MSH3: variants seen among roughly 807,000 people sequenced by gnomAD.
MSH3 encodes the protein mutS homolog 3.
MSH3 carries 106 observed loss-of-function variants against 123.3 expected under a neutral mutation model. The ratio of observed to expected loss-of-function variants is 0.86; its 90% CI spans 0.73 to 1.01. The LOEUF (loss-of-function observed/expected upper bound fraction) is 1.01, where lower values mean the gene tolerates loss of function less well. Ranked by LOEUF, MSH3 falls within the 50% of genes least tolerant of loss-of-function variation. MSH3 has a pLI of 0.00. For missense variants in MSH3, 1,459 were observed against 1,347.6 expected (o/e 1.08, Z -1.29); for synonymous variants, 515 against 481.4 (o/e 1.07, Z -0.91).
intron 20 of MSH3, among the ~76,000 whole-genome samples, chr5:80,815,372 A>AG (rs1745081832): frequency 1.3e-5 from 2 of 152,112 alleles, no homozygotes; most frequent in Admixed American, 1.3e-4. Flanking sequence ...TATTTAGTAA[A>AG]GAAAAAAAAA....
chr5:80,854,404 G>A, intron 21 of MSH3, 88 bp downstream of exon 21: 6 of 1,196,816 alleles, frequency 5.0e-6, no homozygotes, highest in Non-Finnish European at 6.1e-6. Context: ...CATATTTATG[G>A]GGTACAATGT....
At chr5:80,729,452 GTGTGTGTGTATA>G (rs1332140528) in intron 10 of MSH3, among the ~76,000 whole-genome samples, 1 of 132,848 alleles carries the variant, frequency 7.5e-6, no homozygotes, top group Non-Finnish European at 1.6e-5. Flanking sequence ...GTGTGTGTGT[GTGTGTGTGTATA>G]TATATATATA....
intron 20 of MSH3, among the ~76,000 whole-genome samples, chr5:80,826,793 C>G (rs1167835432): frequency 6.6e-6 from 1 of 151,976 alleles, no homozygotes; most frequent in Non-Finnish European, 1.5e-5. Flanking sequence ...AGGTAATCCA[C>G]CTGCCTCGGC....
Position 80,798,580 on chromosome 5 carries a change from T to C in MSH3, c.2655+5736T>C, listed in dbSNP as rs116350195. 4.8e-3 allele frequency among the ~76,000 whole-genome samples: 734 copies of C among 152,342 alleles called. 2 individuals carry two copies. Among genetic ancestry groups the C allele is most frequent in the African/African-American group, 0.017 (699 of 41,574 alleles). ...TTAATTTAATTCCATGGCTAAATTA[T>C]ATTCTCACAGATTCTGCTGTAAAGG... On this transcript the variant is annotated intron_variant, in intron 19 of 23. Transcript: ENST00000265081.
chr5:80,876,046 C>A lies in MSH3; in HGVS notation c.*184C>A. 1 of 600,354 alleles carries A rather than the reference C, an allele frequency of 1.7e-6. No homozygotes were observed. Among genetic ancestry groups the A allele is most frequent in the South Asian group, 2.0e-5 (1 of 49,602 alleles). 37.2% of individuals were successfully genotyped at this position (600,354 alleles called of 1,614,324 possible). On this transcript the variant is annotated 3_prime_UTR_variant, in exon 24 of 24. Coordinates refer to ENST00000265081, the MANE Select transcript of MSH3 (RefSeq NM_002439.5). ...CTTTTTCAAGTTTCTGTCTTCCTAACTTTTCTACGTATAAACACTCTTGAA... is the reference window on the plus strand; with the variant it reads ...CTTTTTCAAGTTTCTGTCTTCCTAAATTTTCTACGTATAAACACTCTTGAA...
chr5:80,780,638 G>A (rs891357703), intron 17 of MSH3, among the ~76,000 whole-genome samples: 1 of 152,122 alleles, frequency 6.6e-6, no homozygotes, highest in Admixed American at 6.5e-5. Flanking sequence ...AGGCTGAGGT[G>A]GGCAGATCAC....
At chr5:80,667,647 C>T (rs544736391) in intron 3 of MSH3, among the ~76,000 whole-genome samples, 96 of 152,294 alleles carry the variant, frequency 6.3e-4, no homozygotes, top group African/African-American at 2.0e-3. Flanking sequence ...ATGCTGGCTT[C>T]GGCAGGGTGG....
chr5:80,681,501 T>C (rs917003284), intron 8 of MSH3, among the ~76,000 whole-genome samples: 3 of 152,028 alleles, frequency 2.0e-5, no homozygotes, highest in African/African-American at 7.2e-5. Context: ...ATATTCATCA[T>C]AACAGTATTT....
intron 19 of MSH3, among the ~76,000 whole-genome samples, chr5:80,811,889 A>G (rs902706513): frequency 3.9e-5 from 6 of 152,082 alleles, no homozygotes; most frequent in African/African-American, 7.2e-5. Flanking sequence ...TCTCTGTAGA[A>G]TTCATTTTAT....
intron 20 of MSH3, among the ~76,000 whole-genome samples, chr5:80,841,427 G>T (rs906893587): frequency 3.9e-5 from 6 of 152,146 alleles, no homozygotes; most frequent in African/African-American, 1.2e-4. Context: ...CCCAGTAATG[G>T]GATGGCTGGG....
rs184208146 is a variant in MSH3, at chr5:80,657,301, C to T, written c.358+770C>T. ...ACTAAAAATACAAAAATTAGTTGGG[C>T]GTGCTGGTAGTTGCCTGTAATCCCA... On this transcript the variant is annotated intron_variant, in intron 2 of 23. Transcript: ENST00000265081. Among the ~76,000 whole-genome samples the T allele has an allele frequency of 2.0e-5, 3 of 152,242 alleles. No individual in the cohort carries two copies. The East Asian group carries it at 5.8e-4, about 29-fold the overall frequency.
intron 2 of MSH3, among the ~76,000 whole-genome samples, chr5:80,662,911 G>A (rs1749472066): frequency 6.6e-6 from 1 of 152,096 alleles, no homozygotes; most frequent in African/African-American, 2.4e-5. Context: ...TATGTTTGAA[G>A]CACAAAGAGA....
chr5:80,740,115 GAATTACTGC>G (rs143626845), intron 10 of MSH3, among the ~76,000 whole-genome samples: 16,273 of 152,208 alleles, frequency 0.11, 885 homozygotes, highest in South Asian at 0.14. Flanking sequence ...AAAGGATATT[GAATTACTGC>G]ATTAGTACTG....
At chr5:80,869,708 A>G (rs1005797836) in intron 22 of MSH3, among the ~76,000 whole-genome samples, 1 of 150,622 alleles carries the variant, frequency 6.6e-6, no homozygotes, top group Non-Finnish European at 1.5e-5. Context: ...TATATTTTGT[A>G]GCTATATTAT....
At chr5:80,708,634 G>A (rs924939644) in intron 8 of MSH3, among the ~76,000 whole-genome samples, 5 of 151,994 alleles carry the variant, frequency 3.3e-5, no homozygotes, top group African/African-American at 9.7e-5. Flanking sequence ...TGTTGCCCAA[G>A]CTGGTCTCAA....
intron 8 of MSH3, among the ~76,000 whole-genome samples, chr5:80,709,987 T>C (rs897482499): frequency 5.3e-5 from 8 of 152,244 alleles, no homozygotes; most frequent in Non-Finnish European, 1.0e-4. Context: ...CTTCTTGACT[T>C]CGTGCCTTTC....
chr5:80,673,779 T>C (rs1749773382), intron 6 of MSH3, among the ~76,000 whole-genome samples: 1 of 152,196 alleles, frequency 6.6e-6, no homozygotes, highest in South Asian at 2.1e-4. Flanking sequence ...CAGTGTGTTA[T>C]TTGATGCCAA....
rs1259041972 is a variant in MSH3, at chr5:80,875,727, AAGT to A, written c.3303-19_3303-17del. On this transcript the variant is annotated intron_variant, in intron 23 of 23. Coordinates refer to ENST00000265081, the MANE Select transcript of MSH3 (RefSeq NM_002439.5). Reference sequence around the variant, plus strand: ...CTCCCAGCAATTTCATTTATTAAATAAGTAGTATTTGATTTTTCCCCAGAAAGA... The same window carrying A: ...CTCCCAGCAATTTCATTTATTAAATAAGTATTTGATTTTTCCCCAGAAAGA... 7 of 1,314,178 alleles carry A rather than the reference AAGT, an allele frequency of 5.3e-6. No individual in the cohort carries two copies. The African/African-American group carries it at 7.3e-5, about 14-fold the overall frequency. 81.4% of individuals were successfully genotyped at this position (1,314,178 alleles called of 1,614,324 possible).
chr5:80,670,079 A>G lies in MSH3; in HGVS notation c.580-18A>G, dbSNP rs530601969. ...GTGGTTAATATTTTTAAAACTTTAT[A>G]CATCTTTTGGTTGCCAGGACACAAC... On this transcript the variant is annotated intron_variant, in intron 3 of 23. Transcript: ENST00000265081. 1.9e-6 allele frequency: 3 copies of G among 1,610,278 alleles called. No homozygotes were observed. The highest frequency in any genetic ancestry group is 1.7e-6 in the Non-Finnish European group (2 of 1,176,708).
Sources: allele counts gnomAD v4.1 joint callset (sites outside exome capture counted in the v4.1 genomes callset), GRCh38; gene constraint gnomAD v4.1.1; transcripts MANE v1.5; gene names NCBI Gene and HGNC (gene_info 2026-07-23, HGNC 2026-07-21).